PCDHA13: variants seen among roughly 807,000 people sequenced by gnomAD.
PCDHA13 encodes protocadherin alpha 13.
Under a neutral mutation model 64.8 loss-of-function variants are expected in PCDHA13, and 54 were observed. The ratio of observed to expected loss-of-function variants is 0.83; its 90% CI spans 0.67 to 1.04. The LOEUF (loss-of-function observed/expected upper bound fraction) is 1.04. PCDHA13 is among the 50% of genes least tolerant of loss of function. PCDHA13 has a pLI of 0.00. For synonymous variants in PCDHA13, 587 were observed against 564.4 expected (o/e 1.04, Z -0.57); for missense variants, 1,248 against 1,254.3 (o/e 0.99, Z 0.08).
chr5:140,990,205 G>T (rs2097380865), intron 3 of PCDHA13, among the ~76,000 whole-genome samples: 1 of 152,116 alleles, frequency 6.6e-6, no homozygotes, highest in Non-Finnish European at 1.5e-5. Context: ...ACCCGAAAGA[G>T]AACAAAGAGA....
At chr5:140,958,888 A>G (rs1563299951) in intron 1 of PCDHA13, among the ~76,000 whole-genome samples, 3 of 152,040 alleles carry the variant, frequency 2.0e-5, no homozygotes, top group African/African-American at 7.2e-5. Flanking sequence ...ACCAGTAGCT[A>G]TATAATAGAT....
chr5:141,005,034 T>C (rs1435712039), intron 3 of PCDHA13, among the ~76,000 whole-genome samples: 1 of 152,222 alleles, frequency 6.6e-6, no homozygotes, highest in Non-Finnish European at 1.5e-5. Flanking sequence ...ATTGCCCATA[T>C]GTGATACCAT....
chr5:140,928,219 C>T (rs2153594773), intron 1 of PCDHA13: 1 of 1,614,166 alleles, frequency 6.2e-7, no homozygotes, highest in African/African-American at 1.3e-5. Flanking sequence ...TGACAATACA[C>T]CAAACTTTCC....
rs1160767102 is a variant in PCDHA13, at chr5:140,964,322, A to G, written c.2395-14627A>G. On this transcript the variant is annotated intron_variant, in intron 1 of 3. Coordinates refer to ENST00000289272, the MANE Select transcript of PCDHA13 (RefSeq NM_018904.3). ...TACCTACAAGGCCTAAAACAGCATA[A>G]TGGACAACCTGGCAGGTGTCCTTGC... Among the ~76,000 whole-genome samples the G allele has an allele frequency of 2.0e-5, 3 of 152,346 alleles. No individual in the cohort carries two copies. The East Asian group carries it at 5.8e-4, about 29-fold the overall frequency.
chr5:140,963,964 C>T (rs1207514831), intron 1 of PCDHA13, among the ~76,000 whole-genome samples: 1 of 152,182 alleles, frequency 6.6e-6, no homozygotes, highest in Non-Finnish European at 1.5e-5. Flanking sequence ...AGGAGTGTGA[C>T]TGACTCCAAA....
chr5:140,884,052 G>A lies in PCDHA13; in HGVS notation c.1784G>A (p.Arg595His), dbSNP rs200938440. 14 of 1,613,472 alleles carry A rather than the reference G, an allele frequency of 8.7e-6. No homozygotes were observed. The highest frequency in any genetic ancestry group is 4.0e-5 in the African/African-American group (3 of 75,046). Residue 595 changes from arginine (R) to histidine (H), a missense_variant, in exon 1 of 4, where the codon CGC becomes CAC. Transcript: ENST00000289272. ...GCAGGCCACGTGGTGGCGAAGGTGC[G>A]CGCGGTGGACGCCGATTCGGGCTAC... is the stretch of plus-strand genomic sequence containing the variant. ...VGAGHVVAKVRAVDADSGYNA... is the reference protein window; with the variant it reads ...VGAGHVVAKVHAVDADSGYNA...
At chr5:140,901,761 A>G (rs1276192436) in intron 1 of PCDHA13, among the ~76,000 whole-genome samples, 1 of 152,124 alleles carries the variant, frequency 6.6e-6, no homozygotes, top group African/African-American at 2.4e-5. Flanking sequence ...TTTGACAGGG[A>G]TTGCATTGAA....
chr5:140,925,935 CTCTTGGAG>C (rs35448813), intron 1 of PCDHA13, among the ~76,000 whole-genome samples: 7,062 of 152,190 alleles, frequency 0.046, 287 homozygotes, highest in African/African-American at 0.11. Context: ...CAAGTAGAGC[CTCTTGGAG>C]AAGGAGAAAC....
At chr5:140,902,540 C>T (rs2069538388) in intron 1 of PCDHA13, among the ~76,000 whole-genome samples, 1 of 151,900 alleles carries the variant, frequency 6.6e-6, no homozygotes, top group South Asian at 2.1e-4. Context: ...GAGGTATGTT[C>T]CTTCTATACC....
At chr5:140,977,096 G>A (rs1401413424) in intron 1 of PCDHA13, among the ~76,000 whole-genome samples, 1 of 152,182 alleles carries the variant, frequency 6.6e-6, no homozygotes, top group East Asian at 1.9e-4. Flanking sequence ...TGTGTCATTG[G>A]GGAAGTGAGA....
intron 3 of PCDHA13, among the ~76,000 whole-genome samples, chr5:141,006,446 C>T (rs2098274720): frequency 1.3e-5 from 2 of 152,066 alleles, no homozygotes; most frequent in South Asian, 4.1e-4. Flanking sequence ...ATCTCCTGAC[C>T]TCGAGATCTG....
intron 3 of PCDHA13, among the ~76,000 whole-genome samples, chr5:140,985,628 T>C (rs1399381029): frequency 6.6e-6 from 1 of 152,116 alleles, no homozygotes; most frequent in Non-Finnish European, 1.5e-5. Flanking sequence ...TGTGTATTGC[T>C]CTTCTCATCC....
At chr5:141,000,079 G>A (rs1233130123) in intron 3 of PCDHA13, among the ~76,000 whole-genome samples, 2 of 152,102 alleles carry the variant, frequency 1.3e-5, no homozygotes, top group Non-Finnish European at 2.9e-5. Flanking sequence ...CACAATGCTA[G>A]GCCTGTGAAT....
At chr5:140,924,209 A>T (rs1470255016) in intron 1 of PCDHA13, among the ~76,000 whole-genome samples, 1 of 152,242 alleles carries the variant, frequency 6.6e-6, no homozygotes, top group Non-Finnish European at 1.5e-5. Flanking sequence ...AAATTTGGTG[A>T]AGAATAAGTT....
chr5:140,931,430 A>G (rs1431087207), intron 1 of PCDHA13, among the ~76,000 whole-genome samples: 2 of 149,950 alleles, frequency 1.3e-5, no homozygotes, highest in Non-Finnish European at 3.0e-5. Flanking sequence ...AGTTAGAAGG[A>G]AAATTAGCTA....
intron 1 of PCDHA13, among the ~76,000 whole-genome samples, chr5:140,977,050 G>A (rs546385020): frequency 6.6e-6 from 1 of 152,162 alleles, no homozygotes; most frequent in Non-Finnish European, 1.5e-5. Context: ...TGTTGCTGAT[G>A]GACTAGTATA....
chr5:140,886,689 G>T (rs1267444522), intron 1 of PCDHA13, among the ~76,000 whole-genome samples: 1 of 152,022 alleles, frequency 6.6e-6, no homozygotes, highest in Admixed American at 6.5e-5. Context: ...AGCGAGGCAT[G>T]GTGGCACGCG....
chr5:140,896,485 C>G (rs1259028670), intron 1 of PCDHA13, among the ~76,000 whole-genome samples: 1 of 152,032 alleles, frequency 6.6e-6, no homozygotes, highest in Non-Finnish European at 1.5e-5. Context: ...GCCTCAGCCT[C>G]CTGAGTAGCT....
chr5:141,001,401 G>A (rs190876782), intron 3 of PCDHA13, among the ~76,000 whole-genome samples: 12 of 152,314 alleles, frequency 7.9e-5, no homozygotes, highest in African/African-American at 2.4e-4. Context: ...AGAGAACAGG[G>A]AGTATATTTT....
Sources: allele counts gnomAD v4.1 joint callset (sites outside exome capture counted in the v4.1 genomes callset), GRCh38; gene constraint gnomAD v4.1.1; transcripts MANE v1.5; gene names NCBI Gene and HGNC (gene_info 2026-07-23, HGNC 2026-07-21).